PRKG1: variants seen among roughly 807,000 people sequenced by gnomAD.
PRKG1 encodes the protein protein kinase cGMP-dependent 1.
In PRKG1, 35 loss-of-function variants were observed where a neutral mutation model predicts 88.1. That is an observed-to-expected ratio of 0.40 (90% CI 0.30 to 0.53). The LOEUF (loss-of-function observed/expected upper bound fraction) is 0.53. Ranked by LOEUF, PRKG1 falls within the 20% of genes least tolerant of loss-of-function variation. The pLI, the probability that PRKG1 is intolerant of heterozygous loss-of-function variation, is 0.59. For synonymous variants in PRKG1, 303 were observed against 292.5 expected (o/e 1.04, Z -0.37); for missense variants, 540 against 839.8 (o/e 0.64, Z 4.41).
At chr10:51,024,803 C>T (rs948849840) in intron 1 of PRKG1, among the ~76,000 whole-genome samples, 20 of 152,260 alleles carry the variant, frequency 1.3e-4, no homozygotes, top group Admixed American at 3.3e-4. Flanking sequence ...GCAACCAGAT[C>T]TTGGGATAAC....
intron 3 of PRKG1, among the ~76,000 whole-genome samples, chr10:51,591,666 G>T (rs1273422305): frequency 6.6e-6 from 1 of 152,058 alleles, no homozygotes; most frequent in Non-Finnish European, 1.5e-5. Context: ...TGTTAAAAAA[G>T]CATCTTCCGT....
chr10:51,952,544 G>T (rs1843209185), intron 5 of PRKG1, among the ~76,000 whole-genome samples: 1 of 152,122 alleles, frequency 6.6e-6, no homozygotes, highest in South Asian at 2.1e-4. Context: ...AATATATTTA[G>T]ATTAGATATA....
intron 2 of PRKG1, among the ~76,000 whole-genome samples, chr10:51,384,413 C>T (rs935645334): frequency 2.0e-5 from 3 of 152,116 alleles, no homozygotes; most frequent in Non-Finnish European, 2.9e-5. Context: ...GGCAGAGTGG[C>T]GTGGGAGATT....
chr10:51,923,345 T>A (rs934231104), intron 5 of PRKG1, among the ~76,000 whole-genome samples: 1 of 151,788 alleles, frequency 6.6e-6, no homozygotes, highest in Admixed American at 6.6e-5. Flanking sequence ...CATTTAACAG[T>A]CTCTGTATTT....
chr10:52,243,472 T>G (rs1840920539), intron 9 of PRKG1, among the ~76,000 whole-genome samples: 1 of 152,170 alleles, frequency 6.6e-6, no homozygotes. Context: ...TTAAACTAGA[T>G]GAGGTCCACT....
intron 2 of PRKG1, among the ~76,000 whole-genome samples, chr10:51,452,532 G>A (rs1839466013): frequency 1.3e-5 from 2 of 151,826 alleles, no homozygotes; most frequent in South Asian, 2.1e-4. Context: ...TGCTTTTTCT[G>A]TGTCTGTTGA....
At chr10:51,851,184 A>G (rs2132806417) in intron 4 of PRKG1, among the ~76,000 whole-genome samples, 1 of 152,308 alleles carries the variant, frequency 6.6e-6, no homozygotes, top group South Asian at 2.1e-4. Context: ...AAGAGGAGAA[A>G]TTAACAGCAT....
intron 8 of PRKG1, among the ~76,000 whole-genome samples, chr10:52,149,266 A>G (rs1837833577): frequency 6.6e-6 from 1 of 151,882 alleles, no homozygotes; most frequent in Non-Finnish European, 1.5e-5. Flanking sequence ...AAGGTTCATA[A>G]AAAGCTGAGT....
chr10:51,155,219 A>G (rs1326782957), intron 2 of PRKG1, among the ~76,000 whole-genome samples: 1 of 152,036 alleles, frequency 6.6e-6, no homozygotes, highest in African/African-American at 2.4e-5. Flanking sequence ...ACAACCATGG[A>G]CATTATTTCT....
intron 1 of PRKG1, among the ~76,000 whole-genome samples, chr10:51,123,413 T>A (rs1343087724): frequency 6.6e-6 from 1 of 152,068 alleles, no homozygotes; most frequent in Non-Finnish European, 1.5e-5. Flanking sequence ...AGCCCGGGCC[T>A]GGTGGCTCAC....
intron 3 of PRKG1, among the ~76,000 whole-genome samples, chr10:51,724,946 G>C (rs1383753466): frequency 2.1e-5 from 3 of 143,730 alleles, no homozygotes; most frequent in Non-Finnish European, 4.5e-5. Context: ...CTGGACTGAA[G>C]TAATCCTCCT....
intron 5 of PRKG1, among the ~76,000 whole-genome samples, chr10:51,967,723 C>T (rs1240494690): frequency 6.6e-6 from 1 of 152,098 alleles, no homozygotes; most frequent in African/African-American, 2.4e-5. Flanking sequence ...TAGTTGGAAT[C>T]CCGCCGTTCC....
chr10:51,422,859 CT>C (rs1838455790), intron 2 of PRKG1, among the ~76,000 whole-genome samples: 1 of 151,940 alleles, frequency 6.6e-6, no homozygotes, highest in Non-Finnish European at 1.5e-5. Flanking sequence ...TTATAATTTA[CT>C]TAAAGGAATT....
intron 3 of PRKG1, among the ~76,000 whole-genome samples, chr10:51,531,871 C>G (rs368536416): frequency 3.3e-5 from 5 of 152,106 alleles, no homozygotes; most frequent in African/African-American, 7.2e-5. Context: ...TCTTGAACCC[C>G]TGACCTCGTG....
At chr10:51,369,429 T>C (rs1842655681) in intron 2 of PRKG1, among the ~76,000 whole-genome samples, 3 of 151,998 alleles carry the variant, frequency 2.0e-5, no homozygotes, top group Admixed American at 2.0e-4. Context: ...CACTGGGAAG[T>C]AGGTTTCAAC....
At chr10:51,277,011 G>T (rs1265272713) in intron 2 of PRKG1, among the ~76,000 whole-genome samples, 2 of 152,096 alleles carry the variant, frequency 1.3e-5, no homozygotes, top group Non-Finnish European at 2.9e-5. Context: ...ATTGCTTTTG[G>T]TGTTTTAGAC....
intron 2 of PRKG1, among the ~76,000 whole-genome samples, chr10:51,322,657 G>A (rs989053357): frequency 5.3e-5 from 8 of 152,166 alleles, no homozygotes; most frequent in African/African-American, 1.9e-4. Flanking sequence ...TGATTTAATA[G>A]AATATAGTAT....
intron 5 of PRKG1, among the ~76,000 whole-genome samples, chr10:51,957,029 T>TTCCC (rs1230918254): frequency 3.3e-5 from 5 of 150,070 alleles, no homozygotes; most frequent in Non-Finnish European, 7.4e-5. Context: ...CTTTTCCTTT[T>TTCCC]TTCCTTCCTC....
chr10:51,371,046 A>AT (rs35636629), intron 2 of PRKG1, among the ~76,000 whole-genome samples: 7,261 of 151,006 alleles, frequency 0.048, 594 homozygotes, highest in African/African-American at 0.17. Context: ...ATAGTTTTTC[A>AT]TTTTTTTTTA....
Sources: allele counts gnomAD v4.1 joint callset (sites outside exome capture counted in the v4.1 genomes callset), GRCh38; gene constraint gnomAD v4.1.1; transcripts MANE v1.5; gene names NCBI Gene and HGNC (gene_info 2026-07-23, HGNC 2026-07-21).